CALN1: variants seen among roughly 807,000 people sequenced by gnomAD.
CALN1 encodes calcium-binding protein 8.
Under a neutral mutation model 30.6 loss-of-function variants are expected in CALN1, and 17 were observed. The observed-to-expected ratio is 0.56, with a 90% CI of 0.38 to 0.83. The LOEUF (loss-of-function observed/expected upper bound fraction) is 0.83, where lower values mean the gene tolerates loss of function less well. Among genes scored for constraint, CALN1 ranks in the 40% least tolerant of loss-of-function variants. The pLI is 0.00. For synonymous variants in CALN1, 156 were observed against 131.4 expected (o/e 1.19, Z -1.28); for missense variants, 291 against 354.9 (o/e 0.82, Z 1.45).
intron 6 of CALN1, among the ~76,000 whole-genome samples, chr7:71,798,049 AAGAGAGAGAGACAGAG>A (rs1562787630): frequency 2.1e-5 from 3 of 142,568 alleles, no homozygotes; most frequent in African/African-American, 7.8e-5. Context: ...GAGAGCAGGC[AAGAGAGAGAGACAGAG>A]AGAGAGAGAG....
chr7:71,970,559 T>C (rs2129526264), intron 5 of CALN1, among the ~76,000 whole-genome samples: 1 of 152,100 alleles, frequency 6.6e-6, no homozygotes, highest in Admixed American at 6.5e-5. Context: ...CTAGGCTTTT[T>C]GGGACTTGTA....
At chr7:72,405,874 CTT>C (rs924844464) in intron 1 of CALN1, among the ~76,000 whole-genome samples, 2 of 152,206 alleles carry the variant, frequency 1.3e-5, no homozygotes, top group Admixed American at 6.5e-5. Flanking sequence ...AGTCCCTTCT[CTT>C]GTCAGGTCCC....
At chr7:72,401,574 C>T (rs1024438990) in intron 2 of CALN1, among the ~76,000 whole-genome samples, 1 of 152,146 alleles carries the variant, frequency 6.6e-6, no homozygotes, top group Non-Finnish European at 1.5e-5. Flanking sequence ...TGTTCAGCCC[C>T]AAAGGAGAAG....
chr7:72,382,691 A>C (rs938988317), intron 2 of CALN1, among the ~76,000 whole-genome samples: 4 of 152,064 alleles, frequency 2.6e-5, no homozygotes, highest in African/African-American at 9.7e-5. Context: ...TTTAGCTCCC[A>C]CTTATACATG....
chr7:72,014,722 C>T (rs1243221986), intron 5 of CALN1, among the ~76,000 whole-genome samples: 3 of 152,076 alleles, frequency 2.0e-5, no homozygotes, highest in East Asian at 3.9e-4. Flanking sequence ...AGTGCAGTGG[C>T]ATGATCATGG....
intron 2 of CALN1, among the ~76,000 whole-genome samples, chr7:72,360,983 T>C (rs1463336953): frequency 6.6e-6 from 1 of 152,028 alleles, no homozygotes; most frequent in Non-Finnish European, 1.5e-5. Context: ...TGCCTTGGGC[T>C]CCAAAAGTGC....
At chr7:72,168,875 G>A (rs892353121) in intron 3 of CALN1, among the ~76,000 whole-genome samples, 11 of 148,734 alleles carry the variant, frequency 7.4e-5, no homozygotes, top group South Asian at 2.1e-4. Flanking sequence ...ATGACACTGC[G>A]GCTCATTGCA....
At chr7:72,248,379 A>T (rs1330877072) in intron 3 of CALN1, among the ~76,000 whole-genome samples, 1 of 152,198 alleles carries the variant, frequency 6.6e-6, no homozygotes, top group Non-Finnish European at 1.5e-5. Flanking sequence ...GATTACAGTC[A>T]TGAACCACCA....
At chr7:72,021,962 C>G (rs1015254145) in intron 5 of CALN1, among the ~76,000 whole-genome samples, 17 of 152,178 alleles carry the variant, frequency 1.1e-4, no homozygotes, top group Non-Finnish European at 2.4e-4. Flanking sequence ...TCAGCCTCAC[C>G]TCTTCTGTTT....
At chr7:72,439,646 C>T (rs1031745943) in intron 1 of CALN1, among the ~76,000 whole-genome samples, 3 of 149,040 alleles carry the variant, frequency 2.0e-5, no homozygotes, top group African/African-American at 5.0e-5. Flanking sequence ...GGCGCAATCT[C>T]GGCTCACTGC....
the CALN1 span, among the ~76,000 whole-genome samples, chr7:72,495,546 A>T: frequency 6.6e-6 from 1 of 152,224 alleles, no homozygotes; most frequent in Admixed American, 6.5e-5. Flanking sequence ...CCATTCAAGC[A>T]GGTCCATGCC....
At chr7:71,979,869 C>CTTTTTTTTTTTTTTTTTT (rs555621436) in intron 5 of CALN1, among the ~76,000 whole-genome samples, 1 of 89,682 alleles carries the variant, frequency 1.1e-5, no homozygotes, top group African/African-American at 4.2e-5. Context: ...CATCAGGATT[C>CTTTTTTTTTTTTTTTTTT]TTTTTTTTTT....
chr7:72,023,319 A>G (rs941597938), intron 5 of CALN1, among the ~76,000 whole-genome samples: 2 of 152,212 alleles, frequency 1.3e-5, no homozygotes, highest in African/African-American at 2.4e-5. Context: ...CTCTCAGCAA[A>G]GATATCCCGG....
intron 5 of CALN1, among the ~76,000 whole-genome samples, chr7:71,914,557 T>A (rs1794591853): frequency 6.6e-6 from 1 of 152,236 alleles, no homozygotes; most frequent in Admixed American, 6.5e-5. Flanking sequence ...TCCTTTGGTA[T>A]ATACCCAGTA....
At chr7:71,961,580 TAAAAC>T (rs1797249795) in intron 5 of CALN1, among the ~76,000 whole-genome samples, 1 of 152,062 alleles carries the variant, frequency 6.6e-6, no homozygotes. Context: ...CTCTCACTAT[TAAAAC>T]AAACAAAAAG....
At chr7:72,305,397 TTTAA>T (rs1424379646) in intron 2 of CALN1, among the ~76,000 whole-genome samples, 5 of 152,216 alleles carry the variant, frequency 3.3e-5, no homozygotes, top group African/African-American at 4.8e-5. Flanking sequence ...TTTGATCTCT[TTTAA>T]TTAATAAGTT....
chr7:72,205,336 G>T (rs1045034781), intron 3 of CALN1, among the ~76,000 whole-genome samples: 1 of 151,228 alleles, frequency 6.6e-6, no homozygotes, highest in East Asian at 2.0e-4. Context: ...TAGTAGCTGG[G>T]ATTACAGGCA....
intron 6 of CALN1, among the ~76,000 whole-genome samples, chr7:71,789,976 T>C (rs1399687339): frequency 6.6e-6 from 1 of 151,776 alleles, no homozygotes; most frequent in East Asian, 1.9e-4. Flanking sequence ...CGTTGGTGCA[T>C]GCCTATAGTC....
chr7:71,901,283 T>C (rs2116942266), intron 5 of CALN1, among the ~76,000 whole-genome samples: 1 of 151,626 alleles, frequency 6.6e-6, no homozygotes, highest in South Asian at 2.1e-4. Context: ...AATAGAAAAA[T>C]ATTCCATGCT....
Sources: gnomAD v4.1 joint callset for allele counts (sites outside exome capture counted in the v4.1 genomes callset) on GRCh38, gnomAD v4.1.1 for gene constraint, MANE v1.5 for transcripts, NCBI Gene and HGNC (gene_info 2026-07-23, HGNC 2026-07-21) for gene names.